The following GRM5 variants were observed in gnomAD, a reference collection of about 807,000 sequenced individuals.
The protein encoded by GRM5 is metabotropic glutamate receptor 5.
A neutral mutation model predicts 83.1 loss-of-function variants in GRM5; 19 were observed. The observed-to-expected ratio is 0.23, with a 90% CI of 0.16 to 0.34. The LOEUF is 0.34. Ranked by LOEUF, GRM5 falls within the 10% of genes least tolerant of loss-of-function variation. The pLI is 1.00. For missense variants in GRM5, 1,160 were observed against 1,588.3 expected, an observed-to-expected ratio of 0.73 and a Z score of 4.58; for synonymous variants, 675 against 633.6, an observed-to-expected ratio of 1.07 and a Z score of -0.98.
intron 3 of GRM5, among the ~76,000 whole-genome samples, chr11:88,655,586 A>G (rs931391510): frequency 6.6e-5 from 10 of 151,956 alleles, no homozygotes; most frequent in African/African-American, 2.2e-4. Flanking sequence ...GTCTTGATAA[A>G]CTTTTTTGCA....
At chr11:88,875,632 C>T (rs1476328132) in intron 2 of GRM5, among the ~76,000 whole-genome samples, 3 of 152,012 alleles carry the variant, frequency 2.0e-5, no homozygotes, top group Non-Finnish European at 4.4e-5. Context: ...GCAGCTATAG[C>T]ATTATGAAAT....
At chr11:88,655,270 C>T (rs1369970531) in intron 3 of GRM5, among the ~76,000 whole-genome samples, 2 of 151,944 alleles carry the variant, frequency 1.3e-5, no homozygotes, top group African/African-American at 4.8e-5. Context: ...ATGAAGTGGG[C>T]TTGTTTGCCT....
chr11:88,961,872 T>A (rs1300820677), intron 2 of GRM5, among the ~76,000 whole-genome samples: 5 of 152,188 alleles, frequency 3.3e-5, no homozygotes, highest in Admixed American at 2.6e-4. Context: ...ATCAGTGAAA[T>A]GCTGTGCAGG....
intron 2 of GRM5, among the ~76,000 whole-genome samples, chr11:88,883,493 AAAG>A: frequency 6.6e-6 from 1 of 152,302 alleles, no homozygotes; most frequent in Admixed American, 6.5e-5. Context: ...TCTAAGCAGC[AAAG>A]AATTCAAGAG....
chr11:88,985,992 A>G (rs1291415842), intron 2 of GRM5, among the ~76,000 whole-genome samples: 10 of 152,128 alleles, frequency 6.6e-5, no homozygotes, highest in African/African-American at 2.2e-4. Flanking sequence ...ACATTCCACC[A>G]CTATACAACC....
chr11:88,844,761 T>C (rs1044081860), intron 3 of GRM5, among the ~76,000 whole-genome samples: 2 of 152,160 alleles, frequency 1.3e-5, no homozygotes, highest in African/African-American at 4.8e-5. Context: ...CCAACCCTCA[T>C]GGATGACTTT....
chr11:89,002,051 T>G (rs953027965), intron 2 of GRM5, among the ~76,000 whole-genome samples: 3 of 152,166 alleles, frequency 2.0e-5, no homozygotes, highest in Non-Finnish European at 4.4e-5. Flanking sequence ...GATAACAACA[T>G]TTTAAAAGGC....
Position 88,528,717 on chromosome 11 carries a change from A to G in GRM5, c.2631-3313T>C, listed in dbSNP as rs142867670. Reference sequence around the variant, plus strand: ...TTTCAAATGAAATGTTTAATTTACTATATTTATATTCAAAGTTATAATAAA... The same window carrying G: ...TTTCAAATGAAATGTTTAATTTACTGTATTTATATTCAAAGTTATAATAAA... On this transcript the variant is annotated intron_variant, in intron 8 of 9. Transcript: ENST00000305447. Among the ~76,000 whole-genome samples the G allele has an allele frequency of 8.7e-3, 1,327 of 152,194 alleles. 12 individuals carry two copies. Among genetic ancestry groups the G allele is most frequent in the Non-Finnish European group, 0.013 (907 of 67,922 alleles).
chr11:88,945,882 A>C (rs1373267742), intron 2 of GRM5, among the ~76,000 whole-genome samples: 4 of 152,164 alleles, frequency 2.6e-5, no homozygotes. Context: ...AAAAATTGAC[A>C]AGTCAGATCT....
At chr11:88,696,059 C>T (rs1940893631) in intron 3 of GRM5, among the ~76,000 whole-genome samples, 1 of 152,118 alleles carries the variant, frequency 6.6e-6, no homozygotes, top group Non-Finnish European at 1.5e-5. Context: ...AAAATTGGGT[C>T]ACACTTGGGC....
At chr11:88,614,269 G>A (rs1938408926) in intron 4 of GRM5, among the ~76,000 whole-genome samples, 1 of 152,078 alleles carries the variant, frequency 6.6e-6, no homozygotes, top group Non-Finnish European at 1.5e-5. Context: ...TTAATCATCT[G>A]CTAAATGATG....
At chr11:88,888,252 G>A (rs753774011) in intron 2 of GRM5, among the ~76,000 whole-genome samples, 2 of 152,178 alleles carry the variant, frequency 1.3e-5, no homozygotes, top group African/African-American at 2.4e-5. Flanking sequence ...CTCATGGAGG[G>A]ATGTTATGTT....
intron 2 of GRM5, among the ~76,000 whole-genome samples, chr11:88,871,353 G>A (rs1485038906): frequency 6.6e-6 from 1 of 151,600 alleles, no homozygotes; most frequent in Non-Finnish European, 1.5e-5. Flanking sequence ...TCAACCTACT[G>A]CAGGAAAGAA....
At chr11:88,786,748 T>C (rs1167780681) in intron 3 of GRM5, among the ~76,000 whole-genome samples, 2 of 150,162 alleles carry the variant, frequency 1.3e-5, no homozygotes, top group Non-Finnish European at 2.9e-5. Flanking sequence ...TCCTGCTTTA[T>C]TTATTTTTTT....
chr11:88,557,214 C>T (rs1302891940), intron 8 of GRM5, among the ~76,000 whole-genome samples: 2 of 152,074 alleles, frequency 1.3e-5, no homozygotes, highest in Non-Finnish European at 2.9e-5. Context: ...ATGATAGTTT[C>T]TATTTTAAAA....
intron 2 of GRM5, among the ~76,000 whole-genome samples, chr11:89,045,885 C>G (rs1380802874): frequency 1.3e-5 from 2 of 152,074 alleles, no homozygotes; most frequent in African/African-American, 4.8e-5. Context: ...TAATTTTCAC[C>G]AATTGTCAGT....
At chr11:89,030,850 G>A (rs1402786169) in intron 2 of GRM5, among the ~76,000 whole-genome samples, 2 of 151,866 alleles carry the variant, frequency 1.3e-5, no homozygotes, top group African/African-American at 2.4e-5. Context: ...GTTTACATGC[G>A]TATTTGACTA....
rs1423404073 is a variant in GRM5 at position 89,031,676 on chromosome 11, T to G, written c.661+15536A>C. Among the ~76,000 whole-genome samples, 3 of 152,048 alleles carry G rather than the reference T, an allele frequency of 2.0e-5. No individual in the cohort carries two copies. In the South Asian group the frequency reaches 6.2e-4, roughly 31 times the overall value. ...AAGATAATTAGAAATGATGATAAAA[T>G]GTTAAAAGGTTTTATTTCTGTTGCA... On this transcript the variant is annotated intron_variant, in intron 2 of 9. Coordinates refer to ENST00000305447, the MANE Select transcript of GRM5 (RefSeq NM_001143831.3).
At position 88,630,422 on chromosome 11, in the gene GRM5, T is replaced by C. The variant is rs117817461; in HGVS notation, c.1147+22746A>G. On this transcript the variant is annotated intron_variant, in intron 4 of 9. Coordinates refer to ENST00000305447, the MANE Select transcript of GRM5 (RefSeq NM_001143831.3). ...TTTTAATCTTTTAGTATATCTTTTA[T>C]TCCTTAGCAGAATGTAGAGACCCTG... Among the ~76,000 whole-genome samples the C allele has an allele frequency of 1.1e-3, 166 of 152,278 alleles. 2 individuals carry two copies. The East Asian group carries it at 0.028, about 26-fold the overall frequency.
Sources: gnomAD v4.1 joint callset for allele counts (sites outside exome capture counted in the v4.1 genomes callset) on GRCh38, gnomAD v4.1.1 for gene constraint, MANE v1.5 for transcripts, NCBI Gene and HGNC (gene_info 2026-07-23, HGNC 2026-07-21) for gene names.